The following ANKRD30B variants were observed in gnomAD, a reference collection of about 807,000 sequenced individuals.
ANKRD30B encodes ankyrin repeat domain 30B, also known as ankyrin repeat domain-containing protein 30B.
In ANKRD30B, 144 loss-of-function variants were observed where a neutral mutation model predicts 202.2. The observed-to-expected ratio is 0.71, with a 90% confidence interval of 0.62 to 0.82. The LOEUF (loss-of-function observed/expected upper bound fraction) is 0.82, where lower values mean the gene tolerates loss of function less well. Among genes scored for constraint, ANKRD30B ranks in the 40% least tolerant of loss-of-function variants. The pLI is 0.00. For synonymous variants in ANKRD30B, 508 were observed against 561.3 expected (o/e 0.91, Z 1.34); for missense variants, 1,487 against 1,669.1 (o/e 0.89, Z 1.90).
At chr18:14,756,132 A>G (rs1045910078) in intron 4 of ANKRD30B, among the ~76,000 whole-genome samples, 3 of 152,002 alleles carry the variant, frequency 2.0e-5, no homozygotes, top group African/African-American at 7.3e-5. Flanking sequence ...TGTGGTTTTG[A>G]TTTGCATTTC....
chr18:14,860,307 G>T, the ANKRD30B span, among the ~76,000 whole-genome samples: 1 of 134,030 alleles, frequency 7.5e-6, no homozygotes, highest in Non-Finnish European at 1.6e-5. Flanking sequence ...TCACAACCCA[G>T]ACGGGGCAGC....
the ANKRD30B span, among the ~76,000 whole-genome samples, chr18:14,887,158 T>G: frequency 6.6e-6 from 1 of 152,138 alleles, no homozygotes. Flanking sequence ...GCTACCAAGA[T>G]CTGCCTATGA....
Position 14,792,986 on chromosome 18 carries a change from T to C in ANKRD30B, c.1825+1495T>C, listed in dbSNP as rs142121330. 6.5e-3 allele frequency among the ~76,000 whole-genome samples: 987 copies of C among 152,254 alleles called. 22 individuals carry two copies. The highest frequency in any genetic ancestry group is 0.023 in the African/African-American group (939 of 41,550). On this transcript the variant is annotated intron_variant, in intron 16 of 43. Coordinates refer to ENST00000690538, the MANE Select transcript of ANKRD30B (RefSeq NM_001367607.2). Reference sequence around the variant, plus strand: ...ATTTTACTGATTTTAACCTAGAAAATTTTGTTAATATTTAATGTCTGTTGC... The same window carrying C: ...ATTTTACTGATTTTAACCTAGAAAACTTTGTTAATATTTAATGTCTGTTGC...
intron 37 of ANKRD30B, among the ~76,000 whole-genome samples, chr18:14,841,300 T>C (rs1775101791): frequency 6.6e-6 from 1 of 152,210 alleles, no homozygotes; most frequent in Non-Finnish European, 1.5e-5. Context: ...AATACCTTGT[T>C]AACAATGCAC....
the ANKRD30B span, among the ~76,000 whole-genome samples, chr18:14,875,886 C>G: frequency 6.6e-6 from 1 of 152,134 alleles, no homozygotes; most frequent in African/African-American, 2.4e-5. Context: ...GCAATGGGCG[C>G]TAAGAATTCT....
chr18:14,777,899 C>G, intron 9 of ANKRD30B, 86 bp from the exon 10 acceptor site: 1 of 907,164 alleles, frequency 1.1e-6, no homozygotes, highest in Non-Finnish European at 1.7e-6. Flanking sequence ...GCCGAGATCA[C>G]ACCACTGAGC....
chr18:14,874,596 A>G, the ANKRD30B span, among the ~76,000 whole-genome samples: 1 of 146,914 alleles, frequency 6.8e-6, no homozygotes, highest in Non-Finnish European at 1.5e-5. Context: ...TTTGAAGCCA[A>G]AAAAAAAAGT....
At chr18:14,873,558 G>T in the ANKRD30B span, among the ~76,000 whole-genome samples, 1 of 150,936 alleles carries the variant, frequency 6.6e-6, no homozygotes, top group African/African-American at 2.4e-5. Flanking sequence ...GAGAATTTGG[G>T]CTTTAGAATA....
intron 30 of ANKRD30B, among the ~76,000 whole-genome samples, chr18:14,821,791 T>G (rs142417681): frequency 0.016 from 2,427 of 152,310 alleles, 70 homozygotes; most frequent in African/African-American, 0.056. Flanking sequence ...GCTTTGACTT[T>G]TCTGTATAAG....
chr18:14,810,772 A>G (rs1392432275), intron 28 of ANKRD30B, among the ~76,000 whole-genome samples: 10 of 151,110 alleles, frequency 6.6e-5, no homozygotes, highest in Non-Finnish European at 5.9e-5. Context: ...CTAGAGGTAC[A>G]AAACAGCCTG....
At chr18:14,926,922 G>GTT in the ANKRD30B span, among the ~76,000 whole-genome samples, 10 of 149,470 alleles carry the variant, frequency 6.7e-5, no homozygotes, top group East Asian at 5.8e-4. Flanking sequence ...GTGAGCAAGG[G>GTT]TTGTGTGTGT....
intron 37 of ANKRD30B, among the ~76,000 whole-genome samples, chr18:14,841,337 T>C (rs1971411488): frequency 6.6e-6 from 1 of 152,216 alleles, no homozygotes; most frequent in Non-Finnish European, 1.5e-5. Context: ...CTTGGGATTC[T>C]GGCATTTTTA....
chr18:14,772,783 T>C (rs898692656), intron 9 of ANKRD30B, among the ~76,000 whole-genome samples: 8 of 150,986 alleles, frequency 5.3e-5, no homozygotes, highest in Admixed American at 3.3e-4. Flanking sequence ...TCTCAGTTTC[T>C]CTTCTTGGTT....
chr18:14,898,202 A>T, the ANKRD30B span, among the ~76,000 whole-genome samples: 2 of 152,154 alleles, frequency 1.3e-5, no homozygotes, highest in African/African-American at 4.8e-5. Context: ...TGAATTTTAA[A>T]TATAAATTCA....
At position 14,837,257 on chromosome 18, in the gene ANKRD30B, G is replaced by C. The variant is rs928847445; in HGVS notation, c.2894G>C (p.Gly965Ala). The C allele has an allele frequency of 1.9e-6, 3 of 1,548,856 alleles. No individual in the cohort carries two copies. The highest frequency in any genetic ancestry group is 2.7e-5 in the African/African-American group (2 of 72,894). ...TVTGQQERDI[G>A]IIERAPQDQT... ...ACTGGACAACAGGAACGTGATATTGGCATTATTGAACGAGCTCCACAAGAT... is the reference window on the plus strand; with the variant it reads ...ACTGGACAACAGGAACGTGATATTGCCATTATTGAACGAGCTCCACAAGAT... Residue 965 changes from glycine (G) to alanine (A), a missense_variant, in exon 35 of 44, where the codon GGC (glycine) becomes GCC (alanine). Physicochemically the swap from Gly to Ala is moderately conservative, Grantham distance 60. Around this residue, in one of 6 missense-constraint regions of ANKRD30B, gnomAD observed 218 missense variants for 320.1 expected, o/e 0.68. Coordinates refer to ENST00000690538, the MANE Select transcript of ANKRD30B (RefSeq NM_001367607.2).
chr18:14,794,626 TTCTCATCGTAATTA>T (rs1157889520), intron 16 of ANKRD30B, among the ~76,000 whole-genome samples: 1 of 152,232 alleles, frequency 6.6e-6, no homozygotes, highest in African/African-American at 2.4e-5. Context: ...GAGGACGATC[TTCTCATCGTAATTA>T]AAGCGGGTTT....
At chr18:14,873,435 G>A in the ANKRD30B span, among the ~76,000 whole-genome samples, 1 of 147,510 alleles carries the variant, frequency 6.8e-6, no homozygotes, top group African/African-American at 2.5e-5. Flanking sequence ...TGAGGCAGGA[G>A]AATCACTTGA....
At chr18:14,849,565 A>G (rs1437076531) in intron 40 of ANKRD30B, among the ~76,000 whole-genome samples, 2 of 151,750 alleles carry the variant, frequency 1.3e-5, no homozygotes, top group Admixed American at 1.3e-4. Flanking sequence ...TAGGTTAAAA[A>G]TACATATTAT....
chr18:14,871,803 A>G, the ANKRD30B span, among the ~76,000 whole-genome samples: 1 of 152,024 alleles, frequency 6.6e-6, no homozygotes, highest in Non-Finnish European at 1.5e-5. Context: ...GGTGGGAGGA[A>G]CAGTGGAGCC....
Sources: allele counts gnomAD v4.1 joint callset (sites outside exome capture counted in the v4.1 genomes callset), GRCh38; gene constraint gnomAD v4.1.1; regional missense constraint gnomAD v4.1.1; transcripts MANE v1.5; gene names NCBI Gene and HGNC (gene_info 2026-07-23, HGNC 2026-07-21).